MATR3: variants seen among roughly 807,000 people sequenced by gnomAD.
MATR3 encodes the protein matrin-3.
MATR3 carries 4 observed loss-of-function variants against 85.5 expected under a neutral mutation model. The ratio of observed to expected loss-of-function variants is 0.05; its 90% confidence interval spans 0.02 to 0.11. MATR3 has a LOEUF of 0.11. Ranked by LOEUF, MATR3 falls within the 10% of genes least tolerant of loss-of-function variation. MATR3 has a pLI of 1.00. For synonymous variants in MATR3, 336 were observed against 343.1 expected (o/e 0.98, Z 0.23); for missense variants, 685 against 1,016.1 (o/e 0.67, Z 4.43).
chr5:139,315,993 T>C, intron 4 of MATR3, 83 bp from the exon 5 acceptor site: 1 of 1,035,172 alleles, frequency 9.7e-7, no homozygotes, highest in Non-Finnish European at 1.5e-6. Flanking sequence ...TGGTCATATA[T>C]TGGGGTGCTT....
chr5:139,278,490 A>G, intron 2 of MATR3: 2 of 401,136 alleles, frequency 5.0e-6, no homozygotes, highest in East Asian at 7.3e-5. Context: ...CAGGAAACAA[A>G]TGGGAGGTAA....
Position 139,330,769 on chromosome 5 carries a change from C to T in MATR3, c.*1374C>T. The T allele has an allele frequency of 2.2e-6, 1 of 454,038 alleles. No homozygotes were observed. The highest frequency in any genetic ancestry group is 4.4e-6 in the Non-Finnish European group (1 of 226,778). 28.1% of individuals were successfully genotyped at this position (454,038 alleles called of 1,614,324 possible). A position where few individuals can be genotyped will look rare whatever the true frequency, so the allele number is the denominator to read the frequency against. On this transcript the variant is annotated 3_prime_UTR_variant, in exon 15 of 15. Coordinates refer to ENST00000394805, the MANE Select transcript of MATR3 (RefSeq NM_018834.6). Reference sequence around the variant, plus strand: ...TTTTCAAAATAATTACGTAGAGACTCTTGGTATATTGGATTATCTGTTGTA... The same window carrying T: ...TTTTCAAAATAATTACGTAGAGACTTTTGGTATATTGGATTATCTGTTGTA...
chr5:139,314,795 G>A (rs1347796101), intron 3 of MATR3, 59 bp downstream of exon 3: 35 of 1,510,324 alleles, frequency 2.3e-5, no homozygotes, highest in Non-Finnish European at 3.1e-5. Flanking sequence ...AGCCATTATT[G>A]GTTTTTGGGA....
chr5:139,293,634 A>C, upstream of MATR3: 1 of 201,380 alleles, frequency 5.0e-6, no homozygotes, highest in Non-Finnish European at 1.0e-5. Context: ...CGCGCGCCGA[A>C]CCAGATCGAG....
intron 3 of MATR3, among the ~76,000 whole-genome samples, chr5:139,285,826 A>G (rs1466862396): frequency 6.6e-6 from 1 of 152,220 alleles, no homozygotes; most frequent in Non-Finnish European, 1.5e-5. Context: ...AGACTCAAAA[A>G]AAGAATCAAT....
At chr5:139,302,287 A>ATACTG in intron 1 of MATR3, among the ~76,000 whole-genome samples, 1 of 152,232 alleles carries the variant, frequency 6.6e-6, no homozygotes, top group Non-Finnish European at 1.5e-5. Flanking sequence ...TAAGCCACTC[A>ATACTG]AGGTACATGC....
chr5:139,314,254 GTA>G (rs1400457771), intron 2 of MATR3: 8 of 237,778 alleles, frequency 3.4e-5, no homozygotes, highest in African/African-American at 1.8e-4. Context: ...CACATTTATA[GTA>G]TATAGTTTCT....
intron 11 of MATR3, 38 bp downstream of exon 11, chr5:139,322,544 C>A: frequency 1.3e-6 from 2 of 1,569,228 alleles, no homozygotes; most frequent in South Asian, 2.3e-5. Context: ...TGAGTATATT[C>A]AACTTTACTT....
At chr5:139,315,339 C>G in intron 3 of MATR3, 1 of 250,730 alleles carries the variant, frequency 4.0e-6, no homozygotes, top group Non-Finnish European at 7.8e-6. Flanking sequence ...CAACTGTGCT[C>G]TTGGTATTAA....
intron 9 of MATR3, chr5:139,321,661 G>A (rs1245838460): frequency 1.9e-5 from 10 of 533,304 alleles, no homozygotes; most frequent in African/African-American, 3.8e-5. Context: ...GTGCATGCCT[G>A]TAGACCTAGC....
At chr5:139,313,074 C>T (rs544090305) in intron 2 of MATR3, 2 of 149,696 alleles carry the variant, frequency 1.3e-5, no homozygotes, top group Non-Finnish European at 3.0e-5. Context: ...TACCAATCCG[C>T]AGCTTTTTGA....
At position 139,329,824 on chromosome 5, in the gene MATR3, C is replaced by T. The variant is rs1487563276; in HGVS notation, c.*429C>T. On this transcript the variant is annotated 3_prime_UTR_variant, in exon 15 of 15. Transcript: ENST00000394805. ...AAACATTCCATGTTTTAATCTGAGC[C>T]TTGCAGACTTTCATTTGGAGTTTGA... The T allele has an allele frequency of 2.2e-6, 1 of 454,412 alleles. No homozygotes were observed. Among genetic ancestry groups the T allele is most frequent in the Non-Finnish European group, 4.4e-6 (1 of 226,824 alleles). The allele number at this position is 454,412 out of a possible 1,614,324, so 28.1% of individuals were successfully genotyped here.
intron 1 of MATR3, chr5:139,275,988 G>A (rs1753262499): frequency 4.4e-6 from 2 of 454,440 alleles, no homozygotes; most frequent in African/African-American, 2.0e-5. Flanking sequence ...GCTAAACAAG[G>A]ATAAGCTATT....
chr5:139,303,619 G>A (rs1307854120), intron 1 of MATR3, among the ~76,000 whole-genome samples: 1 of 152,192 alleles, frequency 6.6e-6, no homozygotes, highest in Admixed American at 6.5e-5. Context: ...CTGTAGTCCC[G>A]GCTACTTGGG....
intron 12 of MATR3, 147 bp downstream of exon 12, chr5:139,323,114 T>A: frequency 1.2e-6 from 1 of 840,494 alleles, no homozygotes; most frequent in Non-Finnish European, 1.8e-6. Context: ...CATTTAAATC[T>A]AAACTCTGCA....
intron 2 of MATR3, chr5:139,310,204 A>G (rs1754899883): frequency 1.3e-5 from 2 of 152,208 alleles, no homozygotes; most frequent in Non-Finnish European, 1.5e-5. Flanking sequence ...TGATGAAACT[A>G]TGGATTCAAG....
chr5:139,303,639 G>A (rs1408762700), intron 1 of MATR3, among the ~76,000 whole-genome samples: 2 of 152,134 alleles, frequency 1.3e-5, no homozygotes, highest in Non-Finnish European at 2.9e-5. Context: ...GCTGAGGTGG[G>A]AGGATGGTTT....
chr5:139,314,772 G>C (rs73255232), intron 3 of MATR3, 36 bp downstream of exon 3: 1 of 1,587,502 alleles, frequency 6.3e-7, no homozygotes, highest in Non-Finnish European at 8.6e-7. Context: ...CATCCTTATC[G>C]TGAATCAGAA....
chr5:139,292,790 G>C (rs1753920463), upstream of MATR3, among the ~76,000 whole-genome samples: 1 of 152,130 alleles, frequency 6.6e-6, no homozygotes, highest in African/African-American at 2.4e-5. Flanking sequence ...AATGCAAAAA[G>C]AAATTAGCCA....
Sources: gnomAD v4.1 joint callset for allele counts (sites outside exome capture counted in the v4.1 genomes callset) on GRCh38, gnomAD v4.1.1 for gene constraint, MANE v1.5 for transcripts, NCBI Gene and HGNC (gene_info 2026-07-23, HGNC 2026-07-21) for gene names.